Variants in LRP1B observed in about 807,000 individuals in gnomAD.
LRP1B encodes low-density lipoprotein receptor-related protein 1B.
Under a neutral mutation model 556.6 loss-of-function variants are expected in LRP1B, and 217 were observed. The ratio of observed to expected loss-of-function variants is 0.39; its 90% CI spans 0.35 to 0.44. LRP1B has a LOEUF of 0.44. LRP1B is among the 20% of genes least tolerant of loss of function. The pLI, the probability that LRP1B is intolerant of heterozygous loss-of-function variation, is 1.00. For synonymous variants in LRP1B, 2,047 were observed against 1,865.8 expected, an observed-to-expected ratio of 1.10 and a Z score of -2.50; for missense variants, 5,053 against 5,620.8, an observed-to-expected ratio of 0.90 and a Z score of 3.23.
rs903519415 is a variant in LRP1B, at chr2:140,743,013, AT to A, written c.5759-26198del. 2.5e-3 allele frequency among the ~76,000 whole-genome samples: 384 copies of A among 151,728 alleles called. 5 individuals carry two copies. The highest frequency in any genetic ancestry group is 8.0e-3 in the African/African-American group (330 of 41,410). ...TAAACTAATTAAAAATAAGACAAAG[AT>A]TTTTTTTTATTAGTGAACATTTCTA... is the stretch of plus-strand genomic sequence containing the variant. On this transcript the variant is annotated intron_variant, in intron 35 of 90. Coordinates refer to ENST00000389484, the MANE Select transcript of LRP1B (RefSeq NM_018557.3).
chr2:142,056,159 T>C (rs1414941064), intron 1 of LRP1B, among the ~76,000 whole-genome samples: 5 of 151,694 alleles, frequency 3.3e-5, no homozygotes, highest in African/African-American at 1.2e-4. Flanking sequence ...TCAGAAAAAA[T>C]AAAAAATAAA....
chr2:141,316,008 T>A (rs890291214), intron 3 of LRP1B, among the ~76,000 whole-genome samples: 2 of 149,842 alleles, frequency 1.3e-5, no homozygotes, highest in Non-Finnish European at 3.0e-5. Context: ...AGTTTTACTA[T>A]AGGGCTCAAT....
intron 1 of LRP1B, among the ~76,000 whole-genome samples, chr2:141,843,557 T>C (rs1449577734): frequency 6.6e-6 from 1 of 152,156 alleles, no homozygotes; most frequent in African/African-American, 2.4e-5. Flanking sequence ...TTTATTTGAA[T>C]GACTAAAAAT....
rs186354017 is a variant in LRP1B, at chr2:140,406,049, G to A, written c.10415-20040C>T. Among the ~76,000 whole-genome samples, 457 of 152,148 alleles carry A rather than the reference G, an allele frequency of 3.0e-3. 2 individuals carry two copies. Among genetic ancestry groups the A allele is most frequent in the Middle Eastern group, 6.8e-3 (2 of 294 alleles). ...GCAATGATTTAACATATGCAAATCC[G>A]TTAATGTGATACTTCACATAAACAA... On this transcript the variant is annotated intron_variant, in intron 66 of 90. Coordinates refer to ENST00000389484, the MANE Select transcript of LRP1B (RefSeq NM_018557.3).
intron 2 of LRP1B, among the ~76,000 whole-genome samples, chr2:141,756,264 G>A (rs1280350588): frequency 1.3e-5 from 2 of 152,044 alleles, no homozygotes; most frequent in Admixed American, 6.6e-5. Context: ...GGCCGTTTAA[G>A]TTATGTTCTG....
chr2:141,645,238 A>G (rs2105370609), intron 2 of LRP1B, among the ~76,000 whole-genome samples: 1 of 152,068 alleles, frequency 6.6e-6, no homozygotes, highest in South Asian at 2.1e-4. Flanking sequence ...TTTCAGTGGG[A>G]ATTTATTGTT....
At chr2:140,762,734 CAAATT>C (rs1219146795) in intron 35 of LRP1B, among the ~76,000 whole-genome samples, 2 of 152,022 alleles carry the variant, frequency 1.3e-5, no homozygotes, top group South Asian at 2.1e-4. Context: ...AGCCCATAAA[CAAATT>C]AAATAACTTT....
intron 35 of LRP1B, among the ~76,000 whole-genome samples, chr2:140,750,241 G>A (rs1688528995): frequency 6.6e-6 from 1 of 152,060 alleles, no homozygotes; most frequent in South Asian, 2.1e-4. Context: ...GTTTCCAGTG[G>A]TCATCAGAAG....
intron 3 of LRP1B, among the ~76,000 whole-genome samples, chr2:141,433,561 A>G (rs77188333): frequency 0.054 from 8,184 of 152,164 alleles, 295 homozygotes; most frequent in South Asian, 0.13. Flanking sequence ...GTTTGTTGAT[A>G]GATTGTCTGA....
At chr2:141,241,337 G>A in intron 5 of LRP1B, among the ~76,000 whole-genome samples, 1 of 152,098 alleles carries the variant, frequency 6.6e-6, no homozygotes. Flanking sequence ...GGCTTATTCA[G>A]TATAGTGTGA....
intron 15 of LRP1B, among the ~76,000 whole-genome samples, chr2:141,003,327 CTACT>C (rs1697478681): frequency 6.6e-6 from 1 of 151,980 alleles, no homozygotes; most frequent in African/African-American, 2.4e-5. Context: ...TCCAAATGTT[CTACT>C]TACTAATTAT....
At chr2:140,523,359 A>G (rs1690265654) in intron 49 of LRP1B, among the ~76,000 whole-genome samples, 1 of 151,836 alleles carries the variant, frequency 6.6e-6, no homozygotes, top group Non-Finnish European at 1.5e-5. Flanking sequence ...CATGATAACA[A>G]TCCTCGACAA....
chr2:141,097,451 G>C (rs564384854), intron 7 of LRP1B, among the ~76,000 whole-genome samples: 13 of 152,158 alleles, frequency 8.5e-5, no homozygotes, highest in Non-Finnish European at 1.6e-4. Flanking sequence ...AGAAAAAGGA[G>C]TAGAAACAGG....
intron 5 of LRP1B, among the ~76,000 whole-genome samples, chr2:141,238,705 T>C (rs1573696756): frequency 6.6e-6 from 1 of 152,212 alleles, no homozygotes. Context: ...GGCTTATCTT[T>C]AGAGAGAGTA....
chr2:140,571,604 C>T (rs779704540), intron 43 of LRP1B, among the ~76,000 whole-genome samples: 8 of 135,184 alleles, frequency 5.9e-5, no homozygotes, highest in Admixed American at 2.4e-4. Flanking sequence ...AAATTCAATG[C>T]AATCCCTATC....
intron 1 of LRP1B, among the ~76,000 whole-genome samples, chr2:141,850,187 A>G (rs148276365): frequency 1.8e-4 from 27 of 151,890 alleles, no homozygotes; most frequent in African/African-American, 6.3e-4. Flanking sequence ...AGGATTAATT[A>G]TCAATCCAAC....
intron 1 of LRP1B, among the ~76,000 whole-genome samples, chr2:141,997,402 T>C (rs1318085948): frequency 7.9e-6 from 1 of 127,198 alleles, no homozygotes; most frequent in Non-Finnish European, 1.6e-5. Flanking sequence ...CATATATATA[T>C]ATAAATGTAT....
intron 45 of LRP1B, among the ~76,000 whole-genome samples, chr2:140,538,978 T>C (rs1251824222): frequency 6.6e-6 from 1 of 152,166 alleles, no homozygotes; most frequent in Middle Eastern, 3.2e-3. Flanking sequence ...GTTCATTTGA[T>C]GAAATAGTAT....
chr2:140,471,260 C>T (rs1687755471), intron 60 of LRP1B, among the ~76,000 whole-genome samples: 1 of 151,822 alleles, frequency 6.6e-6, no homozygotes, highest in Admixed American at 6.6e-5. Context: ...ATCAGGTTTT[C>T]TGAAATGCCT....
Sources: gnomAD v4.1 joint callset for allele counts (sites outside exome capture counted in the v4.1 genomes callset) on GRCh38, gnomAD v4.1.1 for gene constraint, MANE v1.5 for transcripts, NCBI Gene and HGNC (gene_info 2026-07-23, HGNC 2026-07-21) for gene names.